ACTN3: variants seen among roughly 807,000 people sequenced by gnomAD.
The protein encoded by ACTN3 is alpha-actinin-3.
A neutral mutation model predicts 119.6 loss-of-function variants in ACTN3; 91 were observed. The observed-to-expected ratio is 0.76, with a 90% confidence interval of 0.64 to 0.91. ACTN3 has a LOEUF of 0.91. Ranked by LOEUF, ACTN3 falls within the 40% of genes least tolerant of loss-of-function variation. The pLI is 0.00. For missense variants in ACTN3, 1,221 were observed against 1,215.1 expected, an observed-to-expected ratio of 1.00 and a Z score of -0.07; for synonymous variants, 456 against 478.8, an observed-to-expected ratio of 0.95 and a Z score of 0.62.
intron 14 of ACTN3, 83 bp from the exon 15 acceptor site, chr11:66,560,490 T>C: frequency 6.7e-7 from 1 of 1,502,440 alleles, no homozygotes; most frequent in Admixed American, 2.0e-5. Flanking sequence ...GACTGGTGGG[T>C]GGCCTGGGGC....
Position 66,551,626 on chromosome 11 carries a change from C to A in ACTN3, c.361C>A (p.Leu121Met), listed in dbSNP as rs779581930. The A allele has an allele frequency of 3.1e-6, 5 of 1,613,850 alleles. No individual in the cohort carries two copies. The South Asian group carries it at 5.5e-5, about 18-fold the overall frequency. The change falls in exon 3 of 21, where the codon CTG becomes ATG. Residue 121 changes from leucine to methionine, a missense_variant. Coordinates refer to ENST00000513398, the MANE Select transcript of ACTN3 (RefSeq NM_001104.4). ...CTTCATTGCCAGCAAGGGGGTTAAACTGGTGTCCATTGGTGCTGAAGGTGA... is the reference window on the plus strand; with the variant it reads ...CTTCATTGCCAGCAAGGGGGTTAAAATGGTGTCCATTGGTGCTGAAGGTGA... ...LDFIASKGVK[L>M]VSIGAEEIVD...
chr11:66,546,598 G>C (rs1262951999), upstream of ACTN3: 1 of 1,535,532 alleles, frequency 6.5e-7, no homozygotes, highest in Non-Finnish European at 8.7e-7. Context: ...GCGGCCCGCG[G>C]CCACTATTAT....
chr11:66,554,587 C>T lies in ACTN3; in HGVS notation c.521C>T (p.Pro174Leu), dbSNP rs370740496. The T allele has an allele frequency of 7.6e-5, 122 of 1,612,558 alleles. No homozygotes were observed. The highest frequency in any genetic ancestry group is 9.6e-5 in the Non-Finnish European group (113 of 1,179,354). Residue 174 changes from proline (P) to leucine (L), a missense_variant, in exon 5 of 21, where the codon CCG becomes CTG. This residue lies in a region of ACTN3 where 239 missense variants were observed against 231.8 expected (regional missense o/e 1.03). Coordinates refer to ENST00000513398, the MANE Select transcript of ACTN3 (RefSeq NM_001104.4). ...CTGTGGTGCCAGAGGAAGACAGCAC[C>T]GTACCGCAACGTCAACGTGCAGAAC... ...LLLWCQRKTA[P>L]YRNVNVQNFH...
rs956738324 is a variant in ACTN3 at position 66,560,784 on chromosome 11, C to A, written c.1860+29C>A. 3 of 1,585,624 alleles carry A rather than the reference C, an allele frequency of 1.9e-6. No individual in the cohort carries two copies. The South Asian group carries it at 3.4e-5, about 18-fold the overall frequency. On this transcript the variant is annotated intron_variant, in intron 15 of 20. Transcript: ENST00000513398. ...AGTGCCACCTGCAGCCTTCCTCCCA[C>A]CCCCTCCTGCATACTGTGACCACCC...
Position 66,554,594 on chromosome 11 carries a change from C to T in ACTN3, c.528C>T (p.Arg176=). 6.2e-7 allele frequency: 1 copy of T among 1,612,592 alleles called. No individual in the cohort carries two copies. Among genetic ancestry groups the T allele is most frequent in the Non-Finnish European group, 8.5e-7 (1 of 1,179,296 alleles). Residue 176 remains arginine (R), a synonymous_variant, in exon 5 of 21, where the codon CGC becomes CGT. Transcript: ENST00000513398. The part of the protein sequence containing the change: ...LWCQRKTAPY[R]NVNVQNFHTS... The stretch of plus-strand genomic sequence containing the variant: ...GCCAGAGGAAGACAGCACCGTACCG[C>T]AACGTCAACGTGCAGAACTTCCACA...
At chr11:66,561,976 C>G in intron 17 of ACTN3, 46 bp from the exon 18 acceptor site, 1 of 1,563,570 alleles carries the variant, frequency 6.4e-7, no homozygotes, top group East Asian at 2.4e-5. Context: ...AGCCAGTGGC[C>G]AGGCACTGGC....
chr11:66,560,109 G>GGGGGGGGGGGGGGGGGGGGGGGGT, intron 13 of ACTN3, 33 bp downstream of exon 13: 1 of 1,048,684 alleles, frequency 9.5e-7, no homozygotes, highest in Non-Finnish European at 1.4e-6. Flanking sequence ...TGGGGGGTGG[G>GGGGGGGGGGGGGGGGGGGGGGGGT]TAGGTGGGTG....
chr11:66,553,360 C>A (rs1251683185), intron 3 of ACTN3, among the ~76,000 whole-genome samples: 1 of 151,626 alleles, frequency 6.6e-6, no homozygotes, highest in Non-Finnish European at 1.5e-5. Flanking sequence ...TCGAGACCAG[C>A]CAGGCCAACA....
At chr11:66,557,612 C>A in intron 9 of ACTN3, 87 bp from the exon 10 acceptor site, 1 of 1,417,982 alleles carries the variant, frequency 7.1e-7, no homozygotes, top group Non-Finnish European at 9.6e-7. Flanking sequence ...ACACTCTGGC[C>A]ACAGCCTGGG....
intron 1 of ACTN3, among the ~76,000 whole-genome samples, chr11:66,549,514 C>T (rs1463499610): frequency 6.6e-6 from 1 of 151,922 alleles, no homozygotes; most frequent in Non-Finnish European, 1.5e-5. Context: ...GGCGGATCAC[C>T]TGAGGTTGTA....
chr11:66,560,988 G>A (rs1857745697), intron 15 of ACTN3, among the ~76,000 whole-genome samples: 1 of 151,128 alleles, frequency 6.6e-6, no homozygotes, highest in South Asian at 2.1e-4. Context: ...ATTAAGCCTT[G>A]TGTGTGGACA....
intron 11 of ACTN3, 24 bp from the exon 12 acceptor site, chr11:66,559,212 C>G: frequency 6.8e-7 from 1 of 1,467,132 alleles, no homozygotes; most frequent in Non-Finnish European, 9.0e-7. Flanking sequence ...ACTGGGTGAC[C>G]GGAGCCGGCA....
At chr11:66,550,618 C>T (rs1027104682) in intron 1 of ACTN3, among the ~76,000 whole-genome samples, 2 of 152,174 alleles carry the variant, frequency 1.3e-5, no homozygotes, top group African/African-American at 4.8e-5. Flanking sequence ...GAGCTTGAGA[C>T]AAGCCTGAGC....
chr11:66,549,316 G>T (rs1857425432), intron 1 of ACTN3, among the ~76,000 whole-genome samples: 1 of 152,134 alleles, frequency 6.6e-6, no homozygotes, highest in African/African-American at 2.4e-5. Flanking sequence ...CCCCAAGAGG[G>T]GACCCTGATC....
In ACTN3 at chr11:66,550,978, G is replaced by A. The variant is rs1358193157; in HGVS notation, c.148-261G>A. On this transcript the variant is annotated intron_variant, in intron 1 of 20. Coordinates refer to ENST00000513398, the MANE Select transcript of ACTN3 (RefSeq NM_001104.4). Reference sequence around the variant, plus strand: ...CCAGTGTTTAAGACCCCCAAGGCTGGGGTGCTGGTGGCCGGGTGCCCCAAG... The same window carrying A: ...CCAGTGTTTAAGACCCCCAAGGCTGAGGTGCTGGTGGCCGGGTGCCCCAAG... The A allele has an allele frequency of 9.8e-6, 6 of 610,598 alleles. No individual in the cohort carries two copies. In the Admixed American group the frequency reaches 1.3e-4, roughly 13 times the overall value. 37.8% of individuals were successfully genotyped at this position (610,598 alleles called of 1,614,324 possible). A position where few individuals can be genotyped will look rare whatever the true frequency, so the allele number is the denominator to read the frequency against.
At chr11:66,560,780 C>T in intron 15 of ACTN3, 25 bp downstream of exon 15, 7 of 1,587,908 alleles carry the variant, frequency 4.4e-6, no homozygotes, top group Non-Finnish European at 6.0e-6. Flanking sequence ...CAGCCTTCCT[C>T]CCACCCCCTC....
intron 8 of ACTN3, 28 bp downstream of exon 8, chr11:66,556,258 G>A: frequency 6.2e-7 from 1 of 1,609,530 alleles, no homozygotes; most frequent in East Asian, 2.2e-5. Flanking sequence ...CTGCTGCCTG[G>A]GCTTGTGGAC....
rs371222320 is a variant in ACTN3, at chr11:66,557,755, C to T, written c.954C>T (p.Pro318=). 17 of 1,613,656 alleles carry T rather than the reference C, an allele frequency of 1.1e-5. No individual in the cohort carries two copies. Among genetic ancestry groups the T allele is most frequent in the Admixed American group, 1.7e-5 (1 of 59,954 alleles). The change falls in exon 10 of 21, where the codon CCC becomes CCT. Residue 318 remains proline, a synonymous_variant. Coordinates refer to ENST00000513398, the MANE Select transcript of ACTN3 (RefSeq NM_001104.4). ...GGCTGGAGAACCGTGTGGGTGAGCC[C>T]AGCATGAGTGCCATGCAGCGCAAAC... ...VPWLENRVGE[P]SMSAMQRKLE...
chr11:66,556,834 C>T (rs1012802414), intron 8 of ACTN3, among the ~76,000 whole-genome samples: 1 of 152,216 alleles, frequency 6.6e-6, no homozygotes, highest in Non-Finnish European at 1.5e-5. Flanking sequence ...GGTCTCGGCT[C>T]ACTGCCAGCT....
Sources: gnomAD v4.1 joint callset for allele counts (sites outside exome capture counted in the v4.1 genomes callset) on GRCh38, gnomAD v4.1.1 for gene constraint, gnomAD v4.1.1 regional missense constraint, MANE v1.5 for transcripts, NCBI Gene and HGNC (gene_info 2026-07-23, HGNC 2026-07-21) for gene names.